Variants in SOX6 observed in about 807,000 individuals in gnomAD.
SOX6 encodes SRY-box transcription factor 6, also known as transcription factor SOX-6.
SOX6 carries 11 observed loss-of-function variants against 97.8 expected under a neutral mutation model. The observed-to-expected ratio is 0.11, with a 90% CI of 0.07 to 0.19. SOX6 has a LOEUF of 0.19. SOX6 is among the 10% of genes least tolerant of loss of function. The probability of loss-of-function intolerance (pLI) is 1.00; values close to 1 mark genes in which losing one functional copy is unlikely to be tolerated. For missense variants in SOX6, 810 were observed against 1,039.5 expected (o/e 0.78, Z 3.04); for synonymous variants, 360 against 371.4 (o/e 0.97, Z 0.35).
At chr11:16,271,197 C>T (rs997514108) in intron 3 of SOX6, among the ~76,000 whole-genome samples, 1 of 151,120 alleles carries the variant, frequency 6.6e-6, no homozygotes, top group Non-Finnish European at 1.5e-5. Flanking sequence ...TAAGGAATAT[C>T]CAAGCTTGCA....
chr11:16,297,990 C>A (rs542986632), intron 3 of SOX6, among the ~76,000 whole-genome samples: 2 of 152,030 alleles, frequency 1.3e-5, no homozygotes, highest in Non-Finnish European at 1.5e-5. Context: ...CTTTCTTTTT[C>A]TTTAAATGAA....
At chr11:16,083,580 G>C (rs1184330163) in intron 9 of SOX6, among the ~76,000 whole-genome samples, 1 of 152,126 alleles carries the variant, frequency 6.6e-6, no homozygotes, top group Non-Finnish European at 1.5e-5. Context: ...CAATTCAGTT[G>C]AATTTAGTTA....
intron 1 of SOX6, among the ~76,000 whole-genome samples, chr11:16,436,055 G>A (rs1321727602): frequency 6.6e-6 from 1 of 152,020 alleles, no homozygotes; most frequent in Non-Finnish European, 1.5e-5. Context: ...AACAAGCTCC[G>A]ATTGACAAAT....
chr11:16,264,081 G>T (rs886622663), intron 3 of SOX6, among the ~76,000 whole-genome samples: 5 of 151,816 alleles, frequency 3.3e-5, no homozygotes, highest in Admixed American at 3.3e-4. Flanking sequence ...TTGTTTGTTT[G>T]TATATTTAGT....
chr11:16,533,815 T>G (rs569079130), intron 4 of SOX6, among the ~76,000 whole-genome samples: 1 of 152,230 alleles, frequency 6.6e-6, no homozygotes, highest in East Asian at 1.9e-4. Flanking sequence ...TTCCTTCAGT[T>G]TTATTTATAA....
intron 2 of SOX6, among the ~76,000 whole-genome samples, chr11:16,327,192 C>T (rs1856124234): frequency 6.6e-6 from 1 of 152,130 alleles, no homozygotes; most frequent in African/African-American, 2.4e-5. Flanking sequence ...GAATTAGACT[C>T]TGCATTTTTA....
rs556326301 is a variant in SOX6 at position 16,036,203 on chromosome 11, C to A, written c.1623+10311G>T. On this transcript the variant is annotated intron_variant, in intron 12 of 15. Transcript: ENST00000683767. ...CAAGCAATTTTCCTGCCTCAGCCTC[C>A]CGAGTAGCTGGGATTACAGGCATGC... is the stretch of plus-strand genomic sequence containing the variant. Among the ~76,000 whole-genome samples, 13 of 152,122 alleles carry A rather than the reference C, an allele frequency of 8.5e-5. No homozygotes were observed. In the South Asian group the frequency reaches 2.7e-3, roughly 32 times the overall value.
intron 1 of SOX6, among the ~76,000 whole-genome samples, chr11:16,373,914 G>A (rs866228052): frequency 2.3e-4 from 34 of 146,068 alleles, no homozygotes; most frequent in Admixed American, 4.8e-4. Context: ...GGAGGGAGAA[G>A]GGGAAGGGAG....
At chr11:16,508,827 G>T (rs546146294) in intron 4 of SOX6, among the ~76,000 whole-genome samples, 9 of 152,186 alleles carry the variant, frequency 5.9e-5, no homozygotes, top group Admixed American at 1.3e-4. Flanking sequence ...AGCTGGAAGA[G>T]AGGACTTGAA....
intron 4 of SOX6, among the ~76,000 whole-genome samples, chr11:16,495,765 G>C (rs1217942977): frequency 6.6e-6 from 1 of 152,088 alleles, no homozygotes; most frequent in African/African-American, 2.4e-5. Flanking sequence ...GCTACCTGAA[G>C]GCCTAAGAAT....
At chr11:16,495,413 G>T (rs1860577872) in intron 4 of SOX6, among the ~76,000 whole-genome samples, 1 of 152,152 alleles carries the variant, frequency 6.6e-6, no homozygotes. Flanking sequence ...CCACCTGGCA[G>T]TGCTCTGCCC....
chr11:16,514,527 T>G (rs535949643), intron 4 of SOX6, among the ~76,000 whole-genome samples: 1 of 152,144 alleles, frequency 6.6e-6, no homozygotes, highest in South Asian at 2.1e-4. Flanking sequence ...TATATAATAT[T>G]TATTGTGTCA....
intron 13 of SOX6, among the ~76,000 whole-genome samples, chr11:16,012,102 T>C (rs773797524): frequency 6.6e-6 from 1 of 152,088 alleles, no homozygotes; most frequent in African/African-American, 2.4e-5. Context: ...GTTGGCTGGT[T>C]GTTTTTTTAG....
intron 7 of SOX6, among the ~76,000 whole-genome samples, chr11:16,105,877 C>T (rs1025237680): frequency 5.9e-5 from 9 of 152,152 alleles, no homozygotes; most frequent in South Asian, 2.1e-4. Context: ...AAGCTTAACA[C>T]GCAAGTATCA....
intron 1 of SOX6, among the ~76,000 whole-genome samples, chr11:16,414,070 A>G (rs1858877082): frequency 6.6e-6 from 1 of 152,232 alleles, no homozygotes; most frequent in South Asian, 2.1e-4. Context: ...GCATACATTT[A>G]GAGCACTGAC....
In SOX6 at chr11:16,253,492, C is replaced by A. The variant is rs535631114; in HGVS notation, c.446-18821G>T. On this transcript the variant is annotated intron_variant, in intron 3 of 15. Coordinates refer to ENST00000683767, the MANE Select transcript of SOX6 (RefSeq NM_001367873.1). ...TTTAGTAGAAAAAGTAGAGAGTATGCAGACACAGGTGCATAATGTGAGCAG... is the reference window on the plus strand; with the variant it reads ...TTTAGTAGAAAAAGTAGAGAGTATGAAGACACAGGTGCATAATGTGAGCAG... 2.6e-5 allele frequency among the ~76,000 whole-genome samples: 4 copies of A among 152,076 alleles called. No individual in the cohort carries two copies. In the South Asian group the frequency reaches 8.3e-4, roughly 32 times the overall value.
intron 12 of SOX6, among the ~76,000 whole-genome samples, chr11:16,027,929 C>T (rs1855257217): frequency 6.6e-6 from 1 of 152,188 alleles, no homozygotes; most frequent in South Asian, 2.1e-4. Context: ...AACATCTGGG[C>T]TTCCAATTAT....
intron 9 of SOX6, among the ~76,000 whole-genome samples, chr11:16,089,458 T>C (rs759807767): frequency 1.3e-4 from 20 of 152,122 alleles, no homozygotes; most frequent in Non-Finnish European, 2.8e-4. Context: ...TATTTACATA[T>C]AATTGAGAAA....
At chr11:16,051,628 T>A (rs2133915909) in intron 10 of SOX6, among the ~76,000 whole-genome samples, 1 of 152,298 alleles carries the variant, frequency 6.6e-6, no homozygotes, top group East Asian at 1.9e-4. Context: ...CAAAGGATGT[T>A]TGAACTAGTT....
Sources: gnomAD v4.1 joint callset for allele counts (sites outside exome capture counted in the v4.1 genomes callset) on GRCh38, gnomAD v4.1.1 for gene constraint, MANE v1.5 for transcripts, NCBI Gene and HGNC (gene_info 2026-07-23, HGNC 2026-07-21) for gene names.